Variants in ANK3 observed in about 807,000 individuals in gnomAD.
ANK3 encodes ankyrin-3.
In ANK3, 57 loss-of-function variants were observed where a neutral mutation model predicts 370.9. The ratio of observed to expected loss-of-function variants is 0.15; its 90% confidence interval spans 0.12 to 0.19. The LOEUF is 0.19. ANK3 is among the 10% of genes least tolerant of loss of function. The pLI is 1.00. For missense variants in ANK3, 4,439 were observed against 5,302.1 expected (o/e 0.84, Z 5.06); for synonymous variants, 1,929 against 1,946.3 (o/e 0.99, Z 0.23).
chr10:60,318,773 C>T (rs2048016483), intron 1 of ANK3, among the ~76,000 whole-genome samples: 1 of 152,124 alleles, frequency 6.6e-6, no homozygotes, highest in South Asian at 2.1e-4. Flanking sequence ...TTAAATCTCC[C>T]TCTTCATGTT....
rs142856234 is a variant in ANK3 at position 60,412,704 on chromosome 10, G to T, written c.97-133065C>A. ...TAGTAGCTCTCTTAGAGCTGAGACT[G>T]TCTGTAATTTTCACTATGGTAGCCC... is the stretch of plus-strand genomic sequence containing the variant. On this transcript the variant is annotated intron_variant, in intron 2 of 43. Coordinates refer to the ANK3 transcript ENST00000373827. 2.5e-3 allele frequency among the ~76,000 whole-genome samples: 377 copies of T among 152,314 alleles called. 1 individual carries two copies. Among genetic ancestry groups the T allele is most frequent in the African/African-American group, 8.4e-3 (351 of 41,562 alleles).
At chr10:60,037,720 TC>T (rs754380707) in intron 43 of ANK3, among the ~76,000 whole-genome samples, 8 of 152,220 alleles carry the variant, frequency 5.3e-5, no homozygotes, top group Non-Finnish European at 1.2e-4. Flanking sequence ...TTGATTCCAT[TC>T]TTTGCTATTG....
intron 1 of ANK3, among the ~76,000 whole-genome samples, chr10:60,661,525 C>G (rs1001502130): frequency 1.3e-5 from 2 of 152,098 alleles, no homozygotes; most frequent in African/African-American, 4.8e-5. Flanking sequence ...ATTGTTTTTA[C>G]CTGTGTATTC....
intron 23 of ANK3, among the ~76,000 whole-genome samples, chr10:60,149,043 C>T (rs1035289505): frequency 3.3e-5 from 5 of 152,302 alleles, no homozygotes; most frequent in African/African-American, 1.2e-4. Flanking sequence ...GTATAAACAG[C>T]GATTTTGGCC....
intron 42 of ANK3, among the ~76,000 whole-genome samples, chr10:60,054,765 C>T (rs1589315764): frequency 1.3e-5 from 2 of 152,286 alleles, no homozygotes; most frequent in East Asian, 3.9e-4. Context: ...CTTCAGTGAA[C>T]TGGATATGTC....
intron 2 of ANK3, among the ~76,000 whole-genome samples, chr10:60,429,362 A>G (rs1012056292): frequency 6.6e-6 from 1 of 152,204 alleles, no homozygotes; most frequent in African/African-American, 2.4e-5. Context: ...GAGATGTGGA[A>G]TAGGAAAGAA....
chr10:60,141,105 G>A (rs2094538483), intron 23 of ANK3: 2 of 845,668 alleles, frequency 2.4e-6, no homozygotes, highest in Non-Finnish European at 2.8e-6. Flanking sequence ...TTGAGTTGAG[G>A]TTGTGAAACT....
chr10:60,340,936 T>G (rs1023928264), intron 1 of ANK3, among the ~76,000 whole-genome samples: 1 of 152,160 alleles, frequency 6.6e-6, no homozygotes, highest in East Asian at 1.9e-4. Context: ...TTAAGGAGAT[T>G]AAAAAACTTG....
At chr10:60,395,610 CTCTTTCGT>C (rs1234786517) in intron 2 of ANK3, among the ~76,000 whole-genome samples, 4 of 85,010 alleles carry the variant, frequency 4.7e-5, no homozygotes, top group African/African-American at 1.0e-4. Flanking sequence ...CTTTCTTTCT[CTCTTTCGT>C]TCTCTCTCTC....
intron 8 of ANK3, among the ~76,000 whole-genome samples, chr10:60,218,097 C>CTTTTTTTTTTT (rs199989242): frequency 2.4e-4 from 30 of 126,128 alleles, no homozygotes; most frequent in African/African-American, 3.5e-4. Flanking sequence ...CTTTTTCTTT[C>CTTTTTTTTTTT]TTTTTTTTTT....
intron 21 of ANK3, among the ~76,000 whole-genome samples, chr10:60,167,379 A>G (rs1218364277): frequency 6.6e-6 from 1 of 152,232 alleles, no homozygotes; most frequent in Admixed American, 6.5e-5. Flanking sequence ...TATTAAAATA[A>G]TATTTACAAC....
chr10:60,338,466 A>C lies in ANK3; in HGVS notation c.114+50959T>G, dbSNP rs532002363. Among the ~76,000 whole-genome samples the C allele has an allele frequency of 2.0e-5, 3 of 152,298 alleles. No homozygotes were observed. The South Asian group carries it at 6.2e-4, about 32-fold the overall frequency. On this transcript the variant is annotated intron_variant, in intron 1 of 43. Coordinates refer to ENST00000280772, the MANE Select transcript of ANK3 (RefSeq NM_020987.5). ...CTGCTGGCCTAGGAGCCACACTTAC[A>C]AAATTGATATTGTAAGAGAAATGGG...
At chr10:60,384,449 G>A (rs1000700544) in intron 1 of ANK3, among the ~76,000 whole-genome samples, 1 of 151,982 alleles carries the variant, frequency 6.6e-6, no homozygotes, top group Admixed American at 6.6e-5. Flanking sequence ...TCTGAAACAA[G>A]CCCACTTTGA....
At chr10:60,111,713 C>T (rs1308668812) in intron 26 of ANK3, 2 of 453,634 alleles carry the variant, frequency 4.4e-6, no homozygotes, top group Admixed American at 4.7e-5. Context: ...GGATGGTTCA[C>T]ATAAAGGACA....
At chr10:60,137,392 A>C (rs1471128958) in intron 24 of ANK3, 3 of 354,786 alleles carry the variant, frequency 8.5e-6, no homozygotes, top group South Asian at 4.4e-5. Context: ...AAAAAAAAAA[A>C]CAAGAAATAG....
chr10:60,632,330 GT>G (rs1396926051), intron 1 of ANK3, among the ~76,000 whole-genome samples: 1 of 151,628 alleles, frequency 6.6e-6, no homozygotes, highest in African/African-American at 2.4e-5. Flanking sequence ...CTTACATATA[GT>G]TTTTAGAATT....
chr10:60,342,331 T>C (rs2054460687), intron 1 of ANK3, among the ~76,000 whole-genome samples: 1 of 152,160 alleles, frequency 6.6e-6, no homozygotes, highest in South Asian at 2.1e-4. Flanking sequence ...TCAGGGGTTT[T>C]CTTATTAAAT....
intron 9 of ANK3, among the ~76,000 whole-genome samples, chr10:60,212,197 C>A (rs139596888): frequency 2.0e-5 from 3 of 152,158 alleles, no homozygotes; most frequent in African/African-American, 7.2e-5. Context: ...AACATTGGTC[C>A]TTACTGCTCT....
intron 26 of ANK3, among the ~76,000 whole-genome samples, chr10:60,112,779 CT>C (rs1176856828): frequency 6.6e-6 from 1 of 152,132 alleles, no homozygotes; most frequent in Admixed American, 6.5e-5. Context: ...TAAACGTTAG[CT>C]ATTACAATTT....
Sources: gnomAD v4.1 joint callset for allele counts (sites outside exome capture counted in the v4.1 genomes callset) on GRCh38, gnomAD v4.1.1 for gene constraint, MANE v1.5 for transcripts, NCBI Gene and HGNC (gene_info 2026-07-23, HGNC 2026-07-21) for gene names.